The following CACNA2D1 variants were observed in gnomAD, a reference collection of about 807,000 sequenced individuals.
CACNA2D1 encodes the protein voltage-dependent calcium channel subunit alpha-2/delta-1.
CACNA2D1 carries 53 observed loss-of-function variants against 171.5 expected under a neutral mutation model. That is an observed-to-expected ratio of 0.31 (90% CI 0.25 to 0.39). The LOEUF is 0.39. CACNA2D1 is among the 10% of genes least tolerant of loss of function. The pLI is 1.00. For synonymous variants in CACNA2D1, 442 were observed against 443.1 expected (o/e 1.00, Z 0.03); for missense variants, 903 against 1,299.8 (o/e 0.69, Z 4.69).
intron 6 of CACNA2D1, among the ~76,000 whole-genome samples, chr7:82,104,872 T>C (rs1049112905): frequency 6.6e-6 from 1 of 152,088 alleles, no homozygotes; most frequent in Admixed American, 6.6e-5. Context: ...ATATAACACT[T>C]GCATGGTCTT....
intron 19 of CACNA2D1, among the ~76,000 whole-genome samples, chr7:81,996,211 T>G (rs1383660593): frequency 1.3e-5 from 2 of 151,894 alleles, no homozygotes; most frequent in African/African-American, 4.9e-5. Context: ...GAATCTAAGA[T>G]CATTTTGGTC....
At chr7:81,989,488 G>A (rs957766603) in intron 21 of CACNA2D1, among the ~76,000 whole-genome samples, 3 of 152,176 alleles carry the variant, frequency 2.0e-5, no homozygotes, top group Admixed American at 6.5e-5. Context: ...CCGTGAAATG[G>A]AAAGCAAATT....
Position 81,982,624 on chromosome 7 carries a change from G to T in CACNA2D1, c.1898C>A (p.Ser633Ter), listed in dbSNP as rs149510838. 1 of 1,585,778 alleles carries T rather than the reference G, an allele frequency of 6.3e-7. No individual in the cohort carries two copies. ...AAAATTATCTGGCTTCAGGGTTTCC[G>T]AATCTGCAAAGATAATGTTACAGGA... is the stretch of plus-strand genomic sequence containing the variant. ...ARSKKGKMKD[S>*]ETLKPDNFEE... The change falls in exon 24 of 39, where the codon TCG (serine) becomes TAG (stop). Residue 633 changes from serine to a stop codon, truncating the protein, a stop_gained. Transcript: ENST00000356860. LOFTEE classifies it high-confidence loss of function.
At chr7:82,434,685 A>G (rs1157679306) in intron 1 of CACNA2D1, among the ~76,000 whole-genome samples, 1 of 152,006 alleles carries the variant, frequency 6.6e-6, no homozygotes, top group South Asian at 2.1e-4. Flanking sequence ...AATTTACTCT[A>G]TTATCTCTCA....
intron 5 of CACNA2D1, among the ~76,000 whole-genome samples, chr7:82,119,670 A>T (rs1271694372): frequency 6.6e-6 from 1 of 152,200 alleles, no homozygotes; most frequent in Non-Finnish European, 1.5e-5. Flanking sequence ...CTAAATTGCA[A>T]TGGAAATTTA....
intron 1 of CACNA2D1, among the ~76,000 whole-genome samples, chr7:82,394,938 AT>A (rs79015565): frequency 0.17 from 26,169 of 152,048 alleles, 2,998 homozygotes; most frequent in East Asian, 0.46. Context: ...CAGCTTCATT[AT>A]TTTTTTATAC....
At chr7:82,431,888 A>T (rs542247389) in intron 1 of CACNA2D1, among the ~76,000 whole-genome samples, 1 of 151,808 alleles carries the variant, frequency 6.6e-6, no homozygotes, top group South Asian at 2.1e-4. Flanking sequence ...AAATACAAAA[A>T]TTAGCCGGGC....
At chr7:82,373,940 A>G (rs1051404005) in intron 1 of CACNA2D1, among the ~76,000 whole-genome samples, 1 of 152,228 alleles carries the variant, frequency 6.6e-6, no homozygotes, top group Non-Finnish European at 1.5e-5. Context: ...CAATACAATC[A>G]GGGCAGTATT....
chr7:81,961,974 G>A lies in CACNA2D1; in HGVS notation c.2886C>T (p.Cys962=), dbSNP rs762440460. The A allele has an allele frequency of 1.2e-6, 2 of 1,611,946 alleles. No homozygotes were observed. Among genetic ancestry groups the A allele is most frequent in the South Asian group, 2.2e-5 (2 of 91,046 alleles). The change falls in exon 36 of 39, where the codon TGC becomes TGT. Residue 962 remains cysteine, a synonymous_variant. Transcript: ENST00000356860. ...DFTASLSKQS[C]ITEQTQYFFD... is the part of the protein sequence containing the mutation. ...AGAAATACTGGGTTTGTTCAGTAATGCAGCTCTGCTTGGACAGGGAGGCCG... is the reference window on the plus strand; with the variant it reads ...AGAAATACTGGGTTTGTTCAGTAATACAGCTCTGCTTGGACAGGGAGGCCG...
intron 3 of CACNA2D1, among the ~76,000 whole-genome samples, chr7:82,270,341 A>G (rs927217011): frequency 3.9e-5 from 6 of 152,156 alleles, no homozygotes; most frequent in Non-Finnish European, 8.8e-5. Context: ...ATTGAATCAT[A>G]TAACACGTAG....
chr7:82,432,409 C>T (rs1275865784), intron 1 of CACNA2D1, among the ~76,000 whole-genome samples: 4 of 152,248 alleles, frequency 2.6e-5, no homozygotes. Flanking sequence ...CAGGAACTGC[C>T]GTGATGGCAA....
chr7:81,983,275 A>T, intron 23 of CACNA2D1, 39 bp downstream of exon 23: 1 of 1,548,238 alleles, frequency 6.5e-7, no homozygotes, highest in Non-Finnish European at 8.9e-7. Flanking sequence ...TGTCAAGTGT[A>T]CTAAACAGAA....
chr7:82,169,828 G>C (rs1178301092), intron 4 of CACNA2D1, among the ~76,000 whole-genome samples: 3 of 149,020 alleles, frequency 2.0e-5, no homozygotes, highest in African/African-American at 7.3e-5. Context: ...GTATGTAACA[G>C]AAGTACTTTC....
chr7:82,017,520 C>T (rs540000134), intron 12 of CACNA2D1, among the ~76,000 whole-genome samples: 6 of 152,154 alleles, frequency 3.9e-5, no homozygotes, highest in African/African-American at 1.4e-4. Context: ...CTATTCCATA[C>T]TATGCTACTG....
At chr7:82,269,916 A>G (rs1808394301) in intron 3 of CACNA2D1, among the ~76,000 whole-genome samples, 1 of 152,172 alleles carries the variant, frequency 6.6e-6, no homozygotes, top group Admixed American at 6.5e-5. Flanking sequence ...ATATTCACAA[A>G]AAAATCATCT....
At chr7:82,394,451 C>T (rs977588613) in intron 1 of CACNA2D1, among the ~76,000 whole-genome samples, 9 of 152,058 alleles carry the variant, frequency 5.9e-5, no homozygotes, top group Non-Finnish European at 1.0e-4. Flanking sequence ...AATCTATCAT[C>T]ATAGATGATA....
intron 1 of CACNA2D1, among the ~76,000 whole-genome samples, chr7:82,430,417 C>CAAAAAAAAAAA (rs3054724): frequency 7.7e-6 from 1 of 129,512 alleles, no homozygotes; most frequent in Non-Finnish European, 1.6e-5. Flanking sequence ...GACTCCATCT[C>CAAAAAAAAAAA]AAAAAAAAAA....
chr7:82,168,791 A>C (rs1401181904), intron 4 of CACNA2D1, among the ~76,000 whole-genome samples: 1 of 152,168 alleles, frequency 6.6e-6, no homozygotes, highest in Non-Finnish European at 1.5e-5. Context: ...AAGTGAAAAC[A>C]ACATACAACT....
At chr7:82,050,254 C>CT in intron 10 of CACNA2D1, 1 of 253,548 alleles carries the variant, frequency 3.9e-6, no homozygotes, top group Non-Finnish European at 7.6e-6. Flanking sequence ...ACTGAAATGT[C>CT]TGAGATTTTA....
Sources: gnomAD v4.1 joint callset for allele counts (sites outside exome capture counted in the v4.1 genomes callset) on GRCh38, gnomAD v4.1.1 for gene constraint, MANE v1.5 for transcripts, NCBI Gene and HGNC (gene_info 2026-07-23, HGNC 2026-07-21) for gene names.